The following PCDHGA7 variants were observed in gnomAD, a reference collection of about 807,000 sequenced individuals.
PCDHGA7 encodes the protein protocadherin gamma subfamily A, 7, also known as protocadherin gamma-A7.
A neutral mutation model predicts 58.3 loss-of-function variants in PCDHGA7; 44 were observed. The ratio of observed to expected loss-of-function variants is 0.75; its 90% confidence interval spans 0.59 to 0.97. PCDHGA7 has a LOEUF of 0.97. Ranked by LOEUF, PCDHGA7 falls within the 50% of genes least tolerant of loss-of-function variation. The pLI is 0.00. For missense variants in PCDHGA7, 1,266 were observed against 1,188.7 expected, an observed-to-expected ratio of 1.06 and a Z score of -0.96; for synonymous variants, 516 against 504.2, an observed-to-expected ratio of 1.02 and a Z score of -0.31.
intron 1 of PCDHGA7, chr5:141,428,225 A>G (rs775012950): frequency 4.3e-6 from 5 of 1,156,574 alleles, no homozygotes; most frequent in Non-Finnish European, 6.3e-6. Flanking sequence ...GTCTTCGCAG[A>G]CAGCCTGCAG....
intron 2 of PCDHGA7, among the ~76,000 whole-genome samples, chr5:141,499,796 C>T (rs2099794539): frequency 6.6e-6 from 1 of 150,412 alleles, no homozygotes; most frequent in South Asian, 2.1e-4. Context: ...AAGCAATTCT[C>T]ATGCTTCAGC....
chr5:141,422,028 A>C, intron 1 of PCDHGA7: 1 of 1,611,196 alleles, frequency 6.2e-7, no homozygotes, highest in Non-Finnish European at 8.5e-7. Flanking sequence ...TGGTTAATGC[A>C]ACGGATCCAG....
chr5:141,486,401 G>T lies in PCDHGA7; in HGVS notation c.2425-8406G>T. 6.2e-7 allele frequency: 1 copy of T among 1,614,174 alleles called. No individual in the cohort carries two copies. On this transcript the variant is annotated intron_variant, in intron 1 of 3. Transcript: ENST00000518325. The surrounding 1 kb of genome is among the most constrained non-coding windows in gnomAD (Gnocchi z 5.0). ...CAGGAACCAGTTCTCCCTGGTGACT[G>T]CTGGACCCTTGGATCGAGAGGCCAA...
rs759045688 is a variant in PCDHGA7 at position 141,395,208 on chromosome 5, G to C, written c.2424+9885G>C. 5.6e-6 allele frequency: 9 copies of C among 1,613,352 alleles called. No individual in the cohort carries two copies. In the Admixed American group the frequency reaches 1.5e-4, roughly 27 times the overall value. ...TTTGTTAACATCCGTAGATTTTCAT[G>C]AATATAAGAATGAAGCTGATCATGG... On this transcript the variant is annotated intron_variant, in intron 1 of 3. Coordinates refer to ENST00000518325, the MANE Select transcript of PCDHGA7 (RefSeq NM_018920.4).
At chr5:141,419,023 A>T (rs768427376) in intron 1 of PCDHGA7, 2 of 1,613,958 alleles carry the variant, frequency 1.2e-6, no homozygotes, top group Non-Finnish European at 1.7e-6. Flanking sequence ...GCTTAAGTAG[A>T]GGTGTTCCAT....
chr5:141,439,131 T>A (rs2098090046), intron 1 of PCDHGA7, among the ~76,000 whole-genome samples: 1 of 150,502 alleles, frequency 6.6e-6, no homozygotes, highest in Non-Finnish European at 1.5e-5. Flanking sequence ...AGACAGAGGT[T>A]GCAGTGAGCT....
rs188066304 is a variant in PCDHGA7, at chr5:141,450,907, C to T, written c.2425-43900C>T. On this transcript the variant is annotated intron_variant, in intron 1 of 3. Coordinates refer to ENST00000518325, the MANE Select transcript of PCDHGA7 (RefSeq NM_018920.4). ...TGGTGCGATATCGGCTCACTGCAAC[C>T]GCTGCCTCCCAGATTCAAGCAATTC... is the stretch of plus-strand genomic sequence containing the variant. 6.7e-3 allele frequency among the ~76,000 whole-genome samples: 1,004 copies of T among 150,024 alleles called. 12 individuals carry two copies. The highest frequency in any genetic ancestry group is 0.024 in the African/African-American group (970 of 40,702).
At chr5:141,443,820 T>A (rs1329478151) in intron 1 of PCDHGA7, among the ~76,000 whole-genome samples, 1 of 151,986 alleles carries the variant, frequency 6.6e-6, no homozygotes, top group Non-Finnish European at 1.5e-5. Context: ...TTGGAAAACA[T>A]AATTAGGTAA....
At position 141,489,193 on chromosome 5, in the gene PCDHGA7, G is replaced by A; in HGVS notation, c.2425-5614G>A. The A allele has an allele frequency of 2.2e-6, 3 of 1,369,230 alleles. No individual in the cohort carries two copies. Among genetic ancestry groups the A allele is most frequent in the Non-Finnish European group, 3.0e-6 (3 of 1,000,290 alleles). 84.8% of individuals were successfully genotyped at this position (1,369,230 alleles called of 1,614,324 possible). On this transcript the variant is annotated intron_variant, in intron 1 of 3. Coordinates refer to ENST00000518325, the MANE Select transcript of PCDHGA7 (RefSeq NM_018920.4). The surrounding 1 kb of genome is among the most constrained non-coding windows in gnomAD (Gnocchi z 4.5). ...GCATTCCAAGCCCTGGGTCTACCTT[G>A]GAGACAGGACAGCACAGACTTACTC...
At position 141,485,286 on chromosome 5, in the gene PCDHGA7, A is replaced by G; in HGVS notation, c.2425-9521A>G. The G allele has an allele frequency of 2.5e-6, 4 of 1,614,044 alleles. No individual in the cohort carries two copies. On this transcript the variant is annotated intron_variant, in intron 1 of 3. Transcript: ENST00000518325. This position sits in a 1 kb window ranked among gnomAD's most constrained non-coding sequence, Gnocchi z 5.7. ...CAGATCCGCTACCCGGTCCCAGAGG[A>G]GTCACAGGAAGGGACTTTTGTAGGG...
chr5:141,441,954 C>T, intron 1 of PCDHGA7: 1 of 319,608 alleles, frequency 3.1e-6, no homozygotes, highest in Non-Finnish European at 6.0e-6. Context: ...TGCAGGCCAG[C>T]AAGCCCAGGC....
chr5:141,461,213 T>C (rs1457474925), intron 1 of PCDHGA7, among the ~76,000 whole-genome samples: 1 of 152,168 alleles, frequency 6.6e-6, no homozygotes, highest in African/African-American at 2.4e-5. Flanking sequence ...AGAATCTCCA[T>C]ACTGTTTTCC....
At chr5:141,501,716 A>G (rs2099810687) in intron 2 of PCDHGA7, among the ~76,000 whole-genome samples, 1 of 152,160 alleles carries the variant, frequency 6.6e-6, no homozygotes, top group African/African-American at 2.4e-5. Flanking sequence ...TAAAAAAGAC[A>G]AATATATTAC....
Position 141,387,762 on chromosome 5 carries a change from G to T in PCDHGA7, c.2424+2439G>T, listed in dbSNP as rs545222926. The T allele has an allele frequency of 3.5e-6, 5 of 1,424,676 alleles. No homozygotes were observed. The East Asian group carries it at 9.9e-5, about 28-fold the overall frequency. The allele number at this position is 1,424,676 out of a possible 1,614,324, so 88.3% of individuals were successfully genotyped here. ...CACCGCTTCCTCCTCGGAAAAAGAA[G>T]AATTTTTTCTTGAACTGGAACTGCA... On this transcript the variant is annotated intron_variant, in intron 1 of 3. Transcript: ENST00000518325.
intron 2 of PCDHGA7, among the ~76,000 whole-genome samples, chr5:141,502,654 C>T (rs1424933188): frequency 6.6e-6 from 1 of 152,230 alleles, no homozygotes; most frequent in South Asian, 2.1e-4. Context: ...TAGGCAGCAA[C>T]CCTTCATGCA....
chr5:141,390,867 C>CGTGT (rs61319619), intron 1 of PCDHGA7: 7,865 of 151,126 alleles, frequency 0.052, 273 homozygotes, highest in African/African-American at 0.097. Context: ...GCTGTGTGTG[C>CGTGT]GTGTGTGTGT....
At chr5:141,420,108 A>G (rs780657975) in intron 1 of PCDHGA7, 1 of 1,614,030 alleles carries the variant, frequency 6.2e-7, no homozygotes, top group Non-Finnish European at 8.5e-7. Flanking sequence ...ACGTTGCCCT[A>G]TGCCTATAAT....
At chr5:141,453,652 T>C (rs1302902554) in intron 1 of PCDHGA7, among the ~76,000 whole-genome samples, 1 of 152,252 alleles carries the variant, frequency 6.6e-6, no homozygotes, top group Non-Finnish European at 1.5e-5. Context: ...TTATGTCCTC[T>C]TCTTTCTTAC....
At position 141,384,102 on chromosome 5, in the gene PCDHGA7, T is replaced by G. The variant is rs1156310174; in HGVS notation, c.1203T>G (p.Tyr401Ter). Residue 401 changes from tyrosine to a stop codon, truncating the protein, a stop_gained, in exon 1 of 4, where the codon TAT (tyrosine) becomes TAG (stop). Transcript: ENST00000518325. LOFTEE classifies it high-confidence loss of function. ...PFKLEKSIDN[Y>*]YRLVTTKNLD... Reference sequence around the variant, plus strand: ...AATTAGAAAAATCAATAGATAATTATTATAGATTGGTCACAACCAAAAACT... The same window carrying G: ...AATTAGAAAAATCAATAGATAATTAGTATAGATTGGTCACAACCAAAAACT... 1.3e-6 allele frequency: 2 copies of G among 1,599,484 alleles called. No homozygotes were observed. The highest frequency in any genetic ancestry group is 3.4e-5 in the Admixed American group (2 of 58,358).
Sources: allele counts gnomAD v4.1 joint callset (sites outside exome capture counted in the v4.1 genomes callset), GRCh38; gene constraint gnomAD v4.1.1; non-coding constraint Gnocchi (gnomAD v3.1); transcripts MANE v1.5; gene names NCBI Gene and HGNC (gene_info 2026-07-23, HGNC 2026-07-21).